LRRC4C: variants seen among roughly 807,000 people sequenced by gnomAD.
LRRC4C encodes leucine rich repeat containing 4C, also known as leucine-rich repeat-containing protein 4C.
Under a neutral mutation model 33.6 loss-of-function variants are expected in LRRC4C, and 5 were observed. The observed-to-expected ratio is 0.15, with a 90% confidence interval of 0.08 to 0.31. The LOEUF (loss-of-function observed/expected upper bound fraction) is 0.31, where lower values mean the gene tolerates loss of function less well. Among genes scored for constraint, LRRC4C ranks in the 10% least tolerant of loss-of-function variants. LRRC4C has a pLI of 1.00. For missense variants in LRRC4C, 560 were observed against 796.7 expected, an observed-to-expected ratio of 0.70 and a Z score of 3.58; for synonymous variants, 329 against 302.0, an observed-to-expected ratio of 1.09 and a Z score of -0.93.
At chr11:40,468,975 T>C (rs566001045) in intron 3 of LRRC4C, among the ~76,000 whole-genome samples, 1 of 152,280 alleles carries the variant, frequency 6.6e-6, no homozygotes, top group East Asian at 1.9e-4. Flanking sequence ...GTAAAATCTG[T>C]AAAAATCTGC....
chr11:41,238,564 A>G (rs1018539663), intron 1 of LRRC4C, among the ~76,000 whole-genome samples: 4 of 152,106 alleles, frequency 2.6e-5, no homozygotes, highest in Non-Finnish European at 5.9e-5. Flanking sequence ...TGCAAAAGGG[A>G]CTCAAGCTTC....
chr11:40,618,455 T>TA (rs11458254), intron 3 of LRRC4C, among the ~76,000 whole-genome samples: 144,843 of 151,660 alleles, frequency 0.96, 69,498 homozygotes, highest in Middle Eastern at 1. Context: ...ACTCCAGATC[T>TA]TGAAATAAAA....
intron 1 of LRRC4C, among the ~76,000 whole-genome samples, chr11:41,136,454 T>G (rs1184421571): frequency 6.6e-6 from 1 of 152,146 alleles, no homozygotes; most frequent in Non-Finnish European, 1.5e-5. Flanking sequence ...AATACAACAG[T>G]TTCCAGGACA....
chr11:40,115,576 G>A lies in LRRC4C; in HGVS notation c.717C>T (p.Phe239=), dbSNP rs1855367518. ...NHLSAIRPGS[F]QGLMHLQKLW... ...GTTTTTGAAGGTGCATCAAACCCTG[G>A]AAAGAGCCAGGCCTGATGGCAGATA... Residue 239 remains phenylalanine (F), a synonymous_variant, in exon 7 of 7, where the codon TTC becomes TTT. Coordinates refer to ENST00000528697, the MANE Select transcript of LRRC4C (RefSeq NM_001258419.2). The surrounding 1 kb of genome is among the most constrained non-coding windows in gnomAD (Gnocchi z 6.7). 6.2e-7 allele frequency: 1 copy of A among 1,614,166 alleles called. No individual in the cohort carries two copies. The highest frequency in any genetic ancestry group is 8.5e-7 in the Non-Finnish European group (1 of 1,180,016).
chr11:40,544,690 G>C (rs1956848902), intron 3 of LRRC4C, among the ~76,000 whole-genome samples: 1 of 152,030 alleles, frequency 6.6e-6, no homozygotes, highest in Non-Finnish European at 1.5e-5. Flanking sequence ...CCATTATTTA[G>C]TTACTTAGAT....
intron 2 of LRRC4C, among the ~76,000 whole-genome samples, chr11:40,824,482 C>T (rs969646306): frequency 6.6e-6 from 1 of 151,852 alleles, no homozygotes; most frequent in African/African-American, 2.4e-5. Flanking sequence ...AGGCATCTTA[C>T]AGTAATCCAT....
intron 3 of LRRC4C, among the ~76,000 whole-genome samples, chr11:40,347,748 A>G (rs1947200774): frequency 6.6e-6 from 1 of 152,146 alleles, no homozygotes; most frequent in African/African-American, 2.4e-5. Context: ...AGCTGGGATT[A>G]CAGGCATGCA....
chr11:40,139,438 A>G (rs1391426603), intron 6 of LRRC4C, among the ~76,000 whole-genome samples: 1 of 152,224 alleles, frequency 6.6e-6, no homozygotes, highest in East Asian at 1.9e-4. Flanking sequence ...GCAAAATAAA[A>G]AGTTGATTTC....
intron 1 of LRRC4C, among the ~76,000 whole-genome samples, chr11:41,422,145 A>G (rs1954891011): frequency 6.6e-6 from 1 of 152,042 alleles, no homozygotes; most frequent in Non-Finnish European, 1.5e-5. Flanking sequence ...TTGGAGGAAG[A>G]GGTCGTGATT....
At chr11:40,858,494 A>C (rs1284869188) in intron 2 of LRRC4C, among the ~76,000 whole-genome samples, 1 of 152,016 alleles carries the variant, frequency 6.6e-6, no homozygotes, top group African/African-American at 2.4e-5. Context: ...CAGGAGTTCA[A>C]GACCAGCCTG....
intron 1 of LRRC4C, among the ~76,000 whole-genome samples, chr11:41,190,650 G>A (rs138755122): frequency 6.6e-5 from 10 of 152,202 alleles, no homozygotes; most frequent in South Asian, 2.1e-4. Flanking sequence ...GCTCGGCTGC[G>A]TACATTTGTG....
intron 2 of LRRC4C, among the ~76,000 whole-genome samples, chr11:40,863,827 T>C (rs1226500053): frequency 6.6e-6 from 1 of 152,180 alleles, no homozygotes; most frequent in Admixed American, 6.5e-5. Flanking sequence ...TTTGTGTTAT[T>C]ATAATTTGCT....
intron 5 of LRRC4C, among the ~76,000 whole-genome samples, chr11:40,210,558 T>C (rs1287211757): frequency 6.6e-6 from 1 of 152,086 alleles, no homozygotes; most frequent in African/African-American, 2.4e-5. Context: ...TTTGAAAAAT[T>C]ATCTCCCTTC....
At chr11:41,252,025 G>A (rs200734403) in intron 1 of LRRC4C, among the ~76,000 whole-genome samples, 3 of 151,988 alleles carry the variant, frequency 2.0e-5, no homozygotes, top group South Asian at 2.1e-4. Context: ...GAATTGAACA[G>A]CAATATAAAG....
chr11:41,323,927 C>T (rs1458269018), intron 1 of LRRC4C, among the ~76,000 whole-genome samples: 1 of 152,078 alleles, frequency 6.6e-6, no homozygotes. Context: ...CCAATCACAA[C>T]ATAAAAAGCA....
intron 2 of LRRC4C, among the ~76,000 whole-genome samples, chr11:40,908,393 T>C (rs1181079346): frequency 6.6e-6 from 1 of 152,156 alleles, no homozygotes; most frequent in Non-Finnish European, 1.5e-5. Flanking sequence ...ATGTTTTAAC[T>C]ACTTAAGTTG....
At chr11:40,710,168 C>T (rs1042252543) in intron 2 of LRRC4C, among the ~76,000 whole-genome samples, 7 of 152,196 alleles carry the variant, frequency 4.6e-5, no homozygotes, top group Middle Eastern at 3.4e-3. Context: ...TTGTTATTAC[C>T]GACTTTCTGA....
At chr11:41,111,238 C>T (rs7117817) in intron 1 of LRRC4C, among the ~76,000 whole-genome samples, 20,852 of 152,042 alleles carry the variant, frequency 0.14, 1,819 homozygotes, top group African/African-American at 0.25. Flanking sequence ...TCCAAAGCCC[C>T]TACATACTCT....
intron 2 of LRRC4C, among the ~76,000 whole-genome samples, chr11:40,669,839 T>C (rs553814753): frequency 6.6e-6 from 1 of 152,346 alleles, no homozygotes; most frequent in Non-Finnish European, 1.5e-5. Context: ...ATCTGACTGA[T>C]ACAGAATTTA....
Sources: allele counts gnomAD v4.1 joint callset (sites outside exome capture counted in the v4.1 genomes callset), GRCh38; gene constraint gnomAD v4.1.1; non-coding constraint Gnocchi (gnomAD v3.1); transcripts MANE v1.5; gene names NCBI Gene and HGNC (gene_info 2026-07-23, HGNC 2026-07-21).